The following SRM variants were observed in gnomAD, a reference collection of about 807,000 sequenced individuals.
SRM encodes the protein spermidine synthase.
A neutral mutation model predicts 39.3 loss-of-function variants in SRM; 14 were observed. The observed-to-expected ratio is 0.36, with a 90% CI of 0.24 to 0.56. The LOEUF is 0.56. Among genes scored for constraint, SRM ranks in the 20% least tolerant of loss-of-function variants. The probability of loss-of-function intolerance (pLI) is 0.86; values close to 1 mark genes in which losing one functional copy is unlikely to be tolerated. For missense variants in SRM, 244 were observed against 409.2 expected, an observed-to-expected ratio of 0.60 and a Z score of 3.48; for synonymous variants, 195 against 173.1, an observed-to-expected ratio of 1.13 and a Z score of -0.99.
intron 6 of SRM, 99 bp downstream of exon 6, chr1:11,055,682 T>C: frequency 1.5e-6 from 2 of 1,294,360 alleles, no homozygotes; most frequent in South Asian, 1.4e-5. Context: ...CCCAAAGTGC[T>C]GGGATTACAG....
At chr1:11,055,752 A>ACCCC in intron 6 of SRM, 29 bp downstream of exon 6, 2 of 1,466,028 alleles carry the variant, frequency 1.4e-6, no homozygotes, top group Non-Finnish European at 9.3e-7. Context: ...CTTCCCCCCA[A>ACCCC]CCCCCACCCC....
At position 11,054,950 on chromosome 1, in the gene SRM, C is replaced by A; in HGVS notation, c.888+12G>T. ...CCCTGGGTCCCACCACCCAGCCCCG[C>A]AGGCCACCCACCTTGCGGGCAAACT... is the stretch of plus-strand genomic sequence containing the variant. On this transcript the variant is annotated intron_variant, in intron 7 of 7. Coordinates refer to ENST00000376957, the MANE Select transcript of SRM (RefSeq NM_003132.3). This position sits in a 1 kb window ranked among gnomAD's most constrained non-coding sequence, Gnocchi z 4.8. The A allele has an allele frequency of 1.2e-6, 2 of 1,612,034 alleles. No homozygotes were observed. The highest frequency in any genetic ancestry group is 1.7e-6 in the Non-Finnish European group (2 of 1,179,832).
chr1:11,059,100 C>G (rs1178203359), intron 2 of SRM, 125 bp downstream of exon 2: 14 of 1,532,154 alleles, frequency 9.1e-6, no homozygotes, highest in Non-Finnish European at 5.3e-6. Flanking sequence ...CCCCACCCCT[C>G]CGCGGGACGC....
chr1:11,059,186 G>A (rs373822465), intron 2 of SRM, 39 bp downstream of exon 2: 76 of 1,612,144 alleles, frequency 4.7e-5, no homozygotes, highest in Middle Eastern at 1.7e-4. Context: ...ACCTGGGGCC[G>A]CCCCTCGTCC....
chr1:11,055,260 C>T (rs975850633), intron 6 of SRM, 176 bp from the exon 7 acceptor site: 17 of 959,682 alleles, frequency 1.8e-5, no homozygotes, highest in African/African-American at 8.5e-5. Context: ...CCACCACGCC[C>T]GGCTAATTTT....
chr1:11,056,796 T>C, intron 3 of SRM, 39 bp from the exon 4 acceptor site: 1 of 1,611,048 alleles, frequency 6.2e-7, no homozygotes, highest in Non-Finnish European at 8.5e-7. Flanking sequence ...GCCAAGGGGC[T>C]GGGGGACCTG....
intron 6 of SRM, among the ~76,000 whole-genome samples, chr1:11,055,501 G>A (rs1427249300): frequency 4.0e-5 from 6 of 150,066 alleles, no homozygotes; most frequent in Admixed American, 6.7e-5. Flanking sequence ...TGCAAGCTCC[G>A]CCTCCCGGGT....
Position 11,055,761 on chromosome 1 carries a change from C to A in SRM, c.765+20G>T. ...GCCCACCTTCCCCCCAACCCCCACC[C>A]CCAGACACCCCCATCTCACCGGGTT... On this transcript the variant is annotated intron_variant, in intron 6 of 7. Transcript: ENST00000376957. 6.5e-7 allele frequency: 1 copy of A among 1,545,240 alleles called. No individual in the cohort carries two copies.
At chr1:11,055,132 T>G in intron 6 of SRM, 48 bp from the exon 7 acceptor site, 1 of 1,532,616 alleles carries the variant, frequency 6.5e-7, no homozygotes, top group Non-Finnish European at 8.7e-7. Context: ...TTTTTTTTTT[T>G]TTTTTTGAGA....
In SRM at chr1:11,054,746, TAAC is replaced by T; in HGVS notation, c.*116_*118del. On this transcript the variant is annotated 3_prime_UTR_variant, in exon 8 of 8. Transcript: ENST00000376957. This position sits in a 1 kb window ranked among gnomAD's most constrained non-coding sequence, Gnocchi z 4.8. ...AGGCCGGGCAGCATTCTGGGGCTTG[TAAC>T]ACTTGGTTGGTGGGCGAGAGCCAGC... 7.1e-7 allele frequency: 1 copy of T among 1,412,236 alleles called. No individual in the cohort carries two copies. The highest frequency in any genetic ancestry group is 9.4e-7 in the Non-Finnish European group (1 of 1,059,644). 87.5% of individuals were successfully genotyped at this position (1,412,236 alleles called of 1,614,324 possible).
At chr1:11,057,991 C>T (rs972337908) in intron 3 of SRM, among the ~76,000 whole-genome samples, 3 of 151,916 alleles carry the variant, frequency 2.0e-5, no homozygotes, top group Non-Finnish European at 2.9e-5. Flanking sequence ...GTTGGCCAGG[C>T]TGCTCTTGAA....
At chr1:11,055,245 A>T (rs1259838308) in intron 6 of SRM, 161 bp from the exon 7 acceptor site, 44 of 1,046,310 alleles carry the variant, frequency 4.2e-5, no homozygotes, top group Non-Finnish European at 5.7e-5. Context: ...AGCCTCAGGT[A>T]CGCGCCACCA....
chr1:11,056,332 G>C (rs1174889839), intron 4 of SRM, among the ~76,000 whole-genome samples: 1 of 152,236 alleles, frequency 6.6e-6, no homozygotes, highest in Non-Finnish European at 1.5e-5. Flanking sequence ...CTTCAGAGCA[G>C]AGGGGAGGCT....
intron 3 of SRM, among the ~76,000 whole-genome samples, chr1:11,057,858 A>C (rs1184899288): frequency 6.6e-6 from 1 of 151,366 alleles, no homozygotes; most frequent in Non-Finnish European, 1.5e-5. Flanking sequence ...GGTTCATTGC[A>C]ACTTCCGCCT....
Position 11,059,989 on chromosome 1 carries a change from C to G in SRM, c.-46G>C. 5.3e-6 allele frequency: 5 copies of G among 939,384 alleles called. No individual in the cohort carries two copies. The highest frequency in any genetic ancestry group is 6.3e-6 in the Non-Finnish European group (5 of 790,372). 58.2% of individuals were successfully genotyped at this position (939,384 alleles called of 1,614,324 possible). On this transcript the variant is annotated 5_prime_UTR_variant, in exon 1 of 8. Coordinates refer to ENST00000376957, the MANE Select transcript of SRM (RefSeq NM_003132.3). ...GGGGCGCGGGCCCGGGACTGCAGGC[C>G]GCGCGGCGCCGCAGCACAACGGGAC...
chr1:11,056,492 G>A lies in SRM; in HGVS notation c.535+112C>T, dbSNP rs1638879165. 5.3e-6 allele frequency: 7 copies of A among 1,323,770 alleles called. No homozygotes were observed. In the East Asian group the frequency reaches 1.7e-4, roughly 32 times the overall value. The allele number at this position is 1,323,770 out of a possible 1,614,324, so 82.0% of individuals were successfully genotyped here. On this transcript the variant is annotated intron_variant, in intron 4 of 7. Coordinates refer to ENST00000376957, the MANE Select transcript of SRM (RefSeq NM_003132.3). The stretch of plus-strand genomic sequence containing the variant: ...TAACAAATGAGAAGGGAAAAGTACA[G>A]CTCTAGTTCGGGGGGTGGGAGGCCG...
chr1:11,059,750 GC>G, intron 1 of SRM, 26 bp downstream of exon 1: 1 of 1,570,506 alleles, frequency 6.4e-7, no homozygotes. Flanking sequence ...AGCCTAGGGG[GC>G]AGGCGCCTGC....
chr1:11,059,970 CG>C lies in SRM; in HGVS notation c.-28del. ...GCGGGCGGGCGGGCGGCGCGGGGCG[CG>C]GGCCCGGGACTGCAGGCCGCGCGGC... On this transcript the variant is annotated 5_prime_UTR_variant, in exon 1 of 8. Coordinates refer to ENST00000376957, the MANE Select transcript of SRM (RefSeq NM_003132.3). 1.0e-6 allele frequency: 1 copy of C among 981,606 alleles called. No homozygotes were observed. Among genetic ancestry groups the C allele is most frequent in the Non-Finnish European group, 1.2e-6 (1 of 827,876 alleles). 60.8% of individuals were successfully genotyped at this position (981,606 alleles called of 1,614,324 possible). A position where few individuals can be genotyped will look rare whatever the true frequency, so the allele number is the denominator to read the frequency against.
At chr1:11,058,272 C>T (rs1046280338) in intron 3 of SRM, among the ~76,000 whole-genome samples, 2 of 151,568 alleles carry the variant, frequency 1.3e-5, no homozygotes, top group Admixed American at 6.6e-5. Context: ...TAAAAATCAG[C>T]TTAGTCGGCT....
Sources: allele counts gnomAD v4.1 joint callset (sites outside exome capture counted in the v4.1 genomes callset), GRCh38; gene constraint gnomAD v4.1.1; non-coding constraint Gnocchi (gnomAD v3.1); transcripts MANE v1.5; gene names NCBI Gene and HGNC (gene_info 2026-07-23, HGNC 2026-07-21).